ZCCHC9: variants seen among roughly 807,000 people sequenced by gnomAD.
The protein encoded by ZCCHC9 is zinc finger CCHC domain-containing protein 9.
ZCCHC9 carries 18 observed loss-of-function variants against 30.8 expected under a neutral mutation model. The observed-to-expected ratio is 0.58, with a 90% CI of 0.40 to 0.87. The LOEUF is 0.87. Ranked by LOEUF, ZCCHC9 falls within the 40% of genes least tolerant of loss-of-function variation. The probability of loss-of-function intolerance (pLI) is 0.00; values close to 1 mark genes in which losing one functional copy is unlikely to be tolerated. For missense variants in ZCCHC9, 279 were observed against 331.2 expected (o/e 0.84, Z 1.22); for synonymous variants, 94 against 106.7 (o/e 0.88, Z 0.73).
intron 4 of ZCCHC9, 128 bp downstream of exon 4, chr5:81,309,166 T>A (rs549421897): frequency 1.5e-6 from 1 of 673,056 alleles, no homozygotes; most frequent in Admixed American, 3.4e-5. Context: ...TTACATTATT[T>A]TTATCAAGTG....
intron 5 of ZCCHC9, among the ~76,000 whole-genome samples, chr5:81,312,307 C>T (rs905799072): frequency 2.6e-5 from 4 of 152,180 alleles, no homozygotes; most frequent in Non-Finnish European, 5.9e-5. Context: ...CTCATCAGTT[C>T]GTGCATTGCA....
chr5:81,305,595 CAAAAAA>C (rs33971441), intron 2 of ZCCHC9, among the ~76,000 whole-genome samples: 2,671 of 132,928 alleles, frequency 0.02, 79 homozygotes, highest in African/African-American at 0.069. Flanking sequence ...CCATGTCTAC[CAAAAAA>C]AAAAAAAAAA....
Position 81,312,665 on chromosome 5 carries a change from A to G in ZCCHC9, c.*3A>G. On this transcript the variant is annotated 3_prime_UTR_variant, in exon 6 of 6. Transcript: ENST00000407610. ...TACCTAAAGTTGTTAATTTTTGATA[A>G]CAGCTAGCACTATCATGAGTTACTA... is the stretch of plus-strand genomic sequence containing the variant. 1 of 1,596,876 alleles carries G rather than the reference A, an allele frequency of 6.3e-7. No individual in the cohort carries two copies. The highest frequency in any genetic ancestry group is 8.6e-7 in the Non-Finnish European group (1 of 1,164,704).
rs1758331249 is a variant in ZCCHC9, at chr5:81,312,732, G to C, written c.*70G>C. The C allele has an allele frequency of 1.7e-6, 2 of 1,145,730 alleles. No individual in the cohort carries two copies. Among genetic ancestry groups the C allele is most frequent in the Non-Finnish European group, 2.6e-6 (2 of 767,932 alleles). 71.0% of individuals were successfully genotyped at this position (1,145,730 alleles called of 1,614,324 possible). A position where few individuals can be genotyped will look rare whatever the true frequency, so the allele number is the denominator to read the frequency against. ...TAAACCAGGCCCGCTTCACGAGTTAGAGTTGAGCTCCCCTGTAGCCAGGAC... is the reference window on the plus strand; with the variant it reads ...TAAACCAGGCCCGCTTCACGAGTTACAGTTGAGCTCCCCTGTAGCCAGGAC... On this transcript the variant is annotated 3_prime_UTR_variant, in exon 6 of 6. Coordinates refer to ENST00000407610, the MANE Select transcript of ZCCHC9 (RefSeq NM_001131035.2).
At chr5:81,304,443 T>A (rs1758036660) in intron 1 of ZCCHC9, 1 of 199,224 alleles carries the variant, frequency 5.0e-6, no homozygotes, top group Admixed American at 5.5e-5. Context: ...ACTATCTGAT[T>A]TATATTTTAT....
intron 4 of ZCCHC9, 135 bp downstream of exon 4, chr5:81,309,173 A>T (rs1436310185): frequency 1.5e-6 from 1 of 654,414 alleles, no homozygotes; most frequent in East Asian, 2.9e-5. Flanking sequence ...ATTTTTATCA[A>T]GTGCTATCAT....
At position 81,301,854 on chromosome 5, in the gene ZCCHC9, T is replaced by TG. The variant is rs530125187; in HGVS notation, c.-18+159dup. On this transcript the variant is annotated intron_variant, in intron 1 of 5. Coordinates refer to ENST00000407610, the MANE Select transcript of ZCCHC9 (RefSeq NM_001131035.2). ...GTCTAGGGGCGGCGACCTCAGCTGTTGGGCTCCGGCTGCTGGGGGCTGTGC... is the reference window on the plus strand; with the variant it reads ...GTCTAGGGGCGGCGACCTCAGCTGTTGGGGCTCCGGCTGCTGGGGGCTGTGC... The TG allele has an allele frequency of 9.5e-3, 1,453 of 152,636 alleles. 31 individuals carry two copies. The highest frequency in any genetic ancestry group is 0.033 in the African/African-American group (1,383 of 41,568). The allele number at this position is 152,636 out of a possible 1,614,324, so 9.5% of individuals were successfully genotyped here. A position where few individuals can be genotyped will look rare whatever the true frequency, so the allele number is the denominator to read the frequency against.
rs71000814 is a variant in ZCCHC9 at position 81,310,157 on chromosome 5, T to TAAAAA, written c.629-1035_629-1031dup. ...ACTGGTCAACCAAAGTGACTAGCTG[T>TAAAAA]AAAAAAAAAAAAAAAAAAAAAAATT... On this transcript the variant is annotated intron_variant, in intron 4 of 5. Transcript: ENST00000407610. 1.1e-4 allele frequency among the ~76,000 whole-genome samples: 12 copies of TAAAAA among 104,774 alleles called. 2 individuals are homozygous for TAAAAA. Among genetic ancestry groups the TAAAAA allele is most frequent in the African/African-American group, 4.9e-4 (12 of 24,690 alleles). 68.7% of individuals were successfully genotyped at this position (104,774 alleles called of 152,430 possible).
At position 81,311,293 on chromosome 5, in the gene ZCCHC9, G is replaced by A; in HGVS notation, c.697+14G>A. On this transcript the variant is annotated intron_variant, in intron 5 of 5. Transcript: ENST00000407610. The stretch of plus-strand genomic sequence containing the variant: ...GTCAGAATTCAGGTGAGATCTCTGG[G>A]CCTCTACTTAGAAGGGGTGAGATTA... 1 of 1,613,514 alleles carries A rather than the reference G, an allele frequency of 6.2e-7. No homozygotes were observed. The highest frequency in any genetic ancestry group is 8.5e-7 in the Non-Finnish European group (1 of 1,179,444).
intron 2 of ZCCHC9, among the ~76,000 whole-genome samples, chr5:81,307,683 G>A (rs2112872615): frequency 6.7e-6 from 1 of 149,438 alleles, no homozygotes; most frequent in South Asian, 2.1e-4. Flanking sequence ...TAAAAAACAA[G>A]GATATACTTT....
At chr5:81,303,072 C>G (rs1758004652) in intron 1 of ZCCHC9, 2 of 151,612 alleles carry the variant, frequency 1.3e-5, no homozygotes, top group Admixed American at 1.3e-4. Context: ...TCTTGTCACC[C>G]AGGCTGGAGT....
intron 2 of ZCCHC9, 57 bp from the exon 3 acceptor site, chr5:81,308,504 T>G: frequency 6.8e-7 from 1 of 1,474,648 alleles, no homozygotes; most frequent in South Asian, 1.4e-5. Context: ...ATAACAAGAA[T>G]TAATAAAGTC....
chr5:81,308,789 A>G, intron 3 of ZCCHC9, 78 bp downstream of exon 3: 4 of 1,527,282 alleles, frequency 2.6e-6, no homozygotes, highest in Non-Finnish European at 3.5e-6. Flanking sequence ...TTTTAACACA[A>G]TTTGTTACGA....
At chr5:81,304,698 T>A (rs1758041143) in intron 1 of ZCCHC9, 43 bp from the exon 2 acceptor site, 1 of 1,507,700 alleles carries the variant, frequency 6.6e-7, no homozygotes. Context: ...TTGTTTTTGT[T>A]GTTGATGGCT....
At position 81,309,737 on chromosome 5, in the gene ZCCHC9, C is replaced by T. The variant is rs531208337; in HGVS notation, c.628+699C>T. On this transcript the variant is annotated intron_variant, in intron 4 of 5. Coordinates refer to ENST00000407610, the MANE Select transcript of ZCCHC9 (RefSeq NM_001131035.2). ...CCACTCACTAGCTGGGGGGCTTTGG[C>T]CAACTACCAAACTCTGATCTCCGTT... 3.3e-5 allele frequency among the ~76,000 whole-genome samples: 5 copies of T among 152,260 alleles called. No homozygotes were observed. The East Asian group carries it at 7.7e-4, about 23-fold the overall frequency.
At chr5:81,309,366 C>T (rs899110519) in intron 4 of ZCCHC9, among the ~76,000 whole-genome samples, 2 of 152,032 alleles carry the variant, frequency 1.3e-5, no homozygotes, top group African/African-American at 4.8e-5. Flanking sequence ...TTTTTAAAAT[C>T]GTATTATATA....
At chr5:81,305,389 CAGAT>C in intron 2 of ZCCHC9, among the ~76,000 whole-genome samples, 1 of 152,152 alleles carries the variant, frequency 6.6e-6, no homozygotes, top group East Asian at 1.9e-4. Context: ...CACTGAAGTG[CAGAT>C]AGATTAAATA....
chr5:81,307,928 A>G (rs900112720), intron 2 of ZCCHC9, among the ~76,000 whole-genome samples: 14 of 145,394 alleles, frequency 9.6e-5, no homozygotes, highest in South Asian at 4.6e-4. Flanking sequence ...CCAGGAGGCA[A>G]AGTTTTCAGT....
Position 81,312,895 on chromosome 5 carries a change from C to A in ZCCHC9, c.*233C>A. ...TGATTAAATGAATTCTCTAAAAGAA[C>A]ATATTTTAAGAGACAGAACTTAGAC... On this transcript the variant is annotated 3_prime_UTR_variant, in exon 6 of 6. Coordinates refer to ENST00000407610, the MANE Select transcript of ZCCHC9 (RefSeq NM_001131035.2). 1 of 297,752 alleles carries A rather than the reference C, an allele frequency of 3.4e-6. No homozygotes were observed. Among genetic ancestry groups the A allele is most frequent in the Non-Finnish European group, 6.3e-6 (1 of 159,258 alleles). 18.4% of individuals were successfully genotyped at this position (297,752 alleles called of 1,614,324 possible). A position where few individuals can be genotyped will look rare whatever the true frequency, so the allele number is the denominator to read the frequency against.
Sources: gnomAD v4.1 joint callset for allele counts (sites outside exome capture counted in the v4.1 genomes callset) on GRCh38, gnomAD v4.1.1 for gene constraint, MANE v1.5 for transcripts, NCBI Gene and HGNC (gene_info 2026-07-23, HGNC 2026-07-21) for gene names.